Variants in SPECC1 observed in about 807,000 individuals in gnomAD.
The protein encoded by SPECC1 is sperm antigen with calponin homology and coiled-coil domains 1, also known as cytospin-B.
Under a neutral mutation model 104.1 loss-of-function variants are expected in SPECC1, and 62 were observed. The ratio of observed to expected loss-of-function variants is 0.60; its 90% CI spans 0.49 to 0.74. The LOEUF (loss-of-function observed/expected upper bound fraction) is 0.74. Ranked by LOEUF, SPECC1 falls within the 30% of genes least tolerant of loss-of-function variation. The pLI is 0.00. For missense variants in SPECC1, 1,306 were observed against 1,310.5 expected (o/e 1.00, Z 0.05); for synonymous variants, 513 against 501.6 (o/e 1.02, Z -0.30).
intron 3 of SPECC1, among the ~76,000 whole-genome samples, chr17:20,181,210 G>C (rs1597900463): frequency 1.3e-5 from 2 of 152,074 alleles, no homozygotes; most frequent in East Asian, 3.9e-4. Context: ...GCTTTTATTA[G>C]TATAAGAAAA....
chr17:20,068,301 A>G (rs1370701643), intron 1 of SPECC1, among the ~76,000 whole-genome samples: 1 of 152,192 alleles, frequency 6.6e-6, no homozygotes, highest in East Asian at 1.9e-4. Context: ...TTCAGGGTTC[A>G]TCCATGTATC....
chr17:20,104,421 C>T (rs1211327874), intron 2 of SPECC1, among the ~76,000 whole-genome samples: 1 of 152,060 alleles, frequency 6.6e-6, no homozygotes, highest in Non-Finnish European at 1.5e-5. Flanking sequence ...AGGACATAAA[C>T]AGGGAGAAGG....
At chr17:20,306,213 A>G (rs2041759744) in intron 14 of SPECC1, 131 bp downstream of exon 14, 1 of 729,164 alleles carries the variant, frequency 1.4e-6, no homozygotes, top group Non-Finnish European at 2.3e-6. Flanking sequence ...AATACCTAAT[A>G]TAGAGTTATC....
rs907579152 is a variant in SPECC1 at position 20,296,718 on chromosome 17, C to T, written c.2941-243C>T. Among the ~76,000 whole-genome samples, 24 of 152,136 alleles carry T rather than the reference C, an allele frequency of 1.6e-4. 1 individual carries two copies. Among genetic ancestry groups the T allele is most frequent in the African/African-American group, 4.3e-4 (18 of 41,426 alleles). On this transcript the variant is annotated intron_variant, in intron 12 of 14. Coordinates refer to ENST00000395527, the MANE Select transcript of SPECC1 (RefSeq NM_001243439.2). The stretch of plus-strand genomic sequence containing the variant: ...TCGTTGAGCAGTTGTTTGTAGTTCT[C>T]CTTGAAGAGGTCCTTCACATCCCTT...
At chr17:20,144,611 C>CA (rs2031251985) in intron 3 of SPECC1, among the ~76,000 whole-genome samples, 6 of 152,240 alleles carry the variant, frequency 3.9e-5, no homozygotes, top group African/African-American at 1.4e-4. Flanking sequence ...AAGTGAACTT[C>CA]AAAATCTTGA....
At chr17:20,165,325 G>T (rs566366832) in intron 3 of SPECC1, among the ~76,000 whole-genome samples, 1 of 152,020 alleles carries the variant, frequency 6.6e-6, no homozygotes, top group Non-Finnish European at 1.5e-5. Context: ...TTCTGTTCCT[G>T]TGTTAGTTTG....
intron 7 of SPECC1, chr17:20,237,152 A>G: frequency 7.4e-7 from 1 of 1,354,580 alleles, no homozygotes; most frequent in Non-Finnish European, 9.5e-7. Context: ...TTATTTGGAG[A>G]ATAAAATGAA....
chr17:20,048,327 G>A lies in SPECC1; in HGVS notation c.-22+38903G>A, dbSNP rs868703849. 1.1e-4 allele frequency among the ~76,000 whole-genome samples: 16 copies of A among 151,978 alleles called. 1 individual carries two copies. The highest frequency in any genetic ancestry group is 8.3e-4 in the South Asian group (4 of 4,800). On this transcript the variant is annotated intron_variant, in intron 1 of 14. Coordinates refer to ENST00000395527, the MANE Select transcript of SPECC1 (RefSeq NM_001243439.2). ...TTTTTGTATTTTTAGTAGAGACTGG[G>A]TTTCACTGTGTTAGCCAGTATGGTC...
At chr17:20,257,638 A>C in intron 11 of SPECC1, 31 bp downstream of exon 11, 1 of 1,608,574 alleles carries the variant, frequency 6.2e-7, no homozygotes, top group Non-Finnish European at 8.5e-7. Flanking sequence ...AGAAATCAGA[A>C]AAACATCGGG....
intron 3 of SPECC1, among the ~76,000 whole-genome samples, chr17:20,194,502 A>ATTTTTTTTTTTTTTTTTTTT (rs1209589252): frequency 4.7e-4 from 41 of 86,474 alleles, no homozygotes; most frequent in African/African-American, 1.3e-3. Flanking sequence ...AAGAGAACGA[A>ATTTTTTTTTTTTTTTTTTTT]TTTTTTTTTT....
At chr17:20,190,074 A>T (rs2035558240) in intron 3 of SPECC1, among the ~76,000 whole-genome samples, 1 of 150,936 alleles carries the variant, frequency 6.6e-6, no homozygotes, top group African/African-American at 2.5e-5. Flanking sequence ...CACCACTGAG[A>T]CGACCCAAAA....
intron 10 of SPECC1, among the ~76,000 whole-genome samples, chr17:20,255,432 T>C (rs1236453465): frequency 6.6e-6 from 1 of 152,194 alleles, no homozygotes; most frequent in African/African-American, 2.4e-5. Context: ...TTTTGAAAAA[T>C]TGTGGTAAAA....
intron 3 of SPECC1, among the ~76,000 whole-genome samples, chr17:20,135,732 G>A (rs955480053): frequency 6.6e-6 from 1 of 152,182 alleles, no homozygotes; most frequent in African/African-American, 2.4e-5. Flanking sequence ...GACTACAGGT[G>A]TGAGCCACTG....
chr17:20,145,933 A>G (rs1445989595), intron 3 of SPECC1, among the ~76,000 whole-genome samples: 2 of 152,236 alleles, frequency 1.3e-5, no homozygotes, highest in African/African-American at 4.8e-5. Context: ...GAGGTATTGT[A>G]GGTTTATAGA....
chr17:20,099,040 A>G (rs1034687849), intron 2 of SPECC1, among the ~76,000 whole-genome samples: 3 of 152,126 alleles, frequency 2.0e-5, no homozygotes, highest in African/African-American at 7.2e-5. Context: ...CCACTTCCCC[A>G]CTGTGAAGCT....
At chr17:20,168,410 C>A (rs935584035) in intron 3 of SPECC1, among the ~76,000 whole-genome samples, 1 of 152,016 alleles carries the variant, frequency 6.6e-6, no homozygotes, top group Non-Finnish European at 1.5e-5. Flanking sequence ...TAACATCTAC[C>A]TCATAAACAT....
chr17:20,232,521 T>A, intron 7 of SPECC1, 116 bp downstream of exon 7: 1 of 1,173,708 alleles, frequency 8.5e-7, no homozygotes, highest in Non-Finnish European at 1.2e-6. Context: ...CTTTCTGAGA[T>A]CACCCTGAAT....
At chr17:20,249,223 G>T (rs148977075) in intron 9 of SPECC1, among the ~76,000 whole-genome samples, 261 of 152,230 alleles carry the variant, frequency 1.7e-3, no homozygotes, top group Middle Eastern at 6.8e-3. Context: ...TTCGAGACCA[G>T]GGTGGCCGAC....
intron 3 of SPECC1, chr17:20,112,193 A>T (rs941860741): frequency 5.2e-6 from 4 of 763,944 alleles, no homozygotes; most frequent in South Asian, 1.3e-5. Flanking sequence ...AAGGACAAAG[A>T]TGTCTGGGAA....
Sources: gnomAD v4.1 joint callset for allele counts (sites outside exome capture counted in the v4.1 genomes callset) on GRCh38, gnomAD v4.1.1 for gene constraint, MANE v1.5 for transcripts, NCBI Gene and HGNC (gene_info 2026-07-23, HGNC 2026-07-21) for gene names.